ARID1B: variants seen among roughly 807,000 people sequenced by gnomAD.
ARID1B encodes AT-rich interactive domain-containing protein 1B.
A neutral mutation model predicts 212.3 loss-of-function variants in ARID1B; 30 were observed. The ratio of observed to expected loss-of-function variants is 0.14; its 90% CI spans 0.11 to 0.19. The LOEUF (loss-of-function observed/expected upper bound fraction) is 0.19. ARID1B is among the 10% of genes least tolerant of loss of function. ARID1B has a pLI of 1.00. For synonymous variants in ARID1B, 1,402 were observed against 1,301.7 expected (o/e 1.08, Z -1.66); for missense variants, 2,891 against 3,204.0 (o/e 0.90, Z 2.36).
At chr6:157,128,394 C>CA (rs567383511) in intron 6 of ARID1B, among the ~76,000 whole-genome samples, 166 of 152,128 alleles carry the variant, frequency 1.1e-3, no homozygotes, top group African/African-American at 3.8e-3. Context: ...GGTTAGCTTT[C>CA]AAAAATGCAA....
chr6:156,914,041 TCCCGA>T (rs1790142388), intron 3 of ARID1B, among the ~76,000 whole-genome samples: 1 of 85,170 alleles, frequency 1.2e-5, no homozygotes. Flanking sequence ...CACTCTCTAC[TCCCGA>T]ACTGCCAGCC....
intron 3 of ARID1B, among the ~76,000 whole-genome samples, chr6:156,930,715 A>T (rs1399373277): frequency 2.0e-5 from 3 of 150,812 alleles, no homozygotes; most frequent in Non-Finnish European, 4.5e-5. Flanking sequence ...GTGTGGCCAT[A>T]AAAAAAAAGA....
Position 156,935,759 on chromosome 6 carries a change from A to T in ARID1B, c.2247+183A>T, listed in dbSNP as rs1792151084. 5.5e-6 allele frequency: 3 copies of T among 545,154 alleles called. No homozygotes were observed. The Admixed American group carries it at 9.5e-5, about 17-fold the overall frequency. 33.8% of individuals were successfully genotyped at this position (545,154 alleles called of 1,614,324 possible). ...GAGCTCTGTAGTCCTGGATAAGTCT[A>T]TTTCATGTGTATATATCTCTGTTGC... On this transcript the variant is annotated intron_variant, in intron 4 of 19. Transcript: ENST00000636930.
intron 3 of ARID1B, among the ~76,000 whole-genome samples, chr6:156,926,040 C>T (rs1185758725): frequency 1.3e-5 from 2 of 152,186 alleles, no homozygotes; most frequent in Non-Finnish European, 2.9e-5. Context: ...TTTGTCTGAA[C>T]TCAAAGATTC....
rs758385169 is a variant in ARID1B, at chr6:157,206,777, A to G, written c.6005A>G (p.Asp2002Gly). 17 of 1,613,706 alleles carry G rather than the reference A, an allele frequency of 1.1e-5. No individual in the cohort carries two copies. The highest frequency in any genetic ancestry group is 8.5e-7 in the Non-Finnish European group (1 of 1,180,030). The part of the protein sequence containing the change: ...QEKSIIATID[D>G]VLSARPGALP... ...AAAAGCATCATAGCAACCATCGATGACGTCCTCTCTGCTCGGCCAGGGGCA... is the reference window on the plus strand; with the variant it reads ...AAAAGCATCATAGCAACCATCGATGGCGTCCTCTCTGCTCGGCCAGGGGCA... The change falls in exon 20 of 20, where the codon GAC becomes GGC. Residue 2002 changes from aspartate to glycine, a missense_variant. Asp to Gly is a moderately conservative substitution (Grantham distance 94). This residue lies in a region of ARID1B where 332 missense variants were observed against 369.2 expected (regional missense o/e 0.90). Transcript: ENST00000636930. The surrounding 1 kb of genome is among the most constrained non-coding windows in gnomAD (Gnocchi z 6.8).
At chr6:156,923,744 G>C (rs1190902196) in intron 3 of ARID1B, among the ~76,000 whole-genome samples, 1 of 145,924 alleles carries the variant, frequency 6.9e-6, no homozygotes, top group Admixed American at 6.9e-5. Flanking sequence ...TTGCCCTGTT[G>C]CCCAGGCTGG....
chr6:156,923,501 G>T (rs1453840792), intron 3 of ARID1B, among the ~76,000 whole-genome samples: 1 of 152,040 alleles, frequency 6.6e-6, no homozygotes, highest in Admixed American at 6.6e-5. Context: ...GACCTTGGCA[G>T]GTTACTCAAC....
chr6:157,196,343 A>G (rs1793726228), intron 16 of ARID1B, 28 bp downstream of exon 16: 4 of 1,578,656 alleles, frequency 2.5e-6, no homozygotes, highest in Non-Finnish European at 3.4e-6. Flanking sequence ...TGACAATATG[A>G]TGATTTACTA....
At chr6:157,018,699 G>T (rs1157944468) in intron 4 of ARID1B, among the ~76,000 whole-genome samples, 1 of 152,164 alleles carries the variant, frequency 6.6e-6, no homozygotes, top group African/African-American at 2.4e-5. Context: ...CTTAAATTTA[G>T]TAGCTAAATT....
chr6:156,966,304 G>T (rs1017414818), intron 4 of ARID1B, among the ~76,000 whole-genome samples: 3 of 151,048 alleles, frequency 2.0e-5, no homozygotes, highest in Admixed American at 1.3e-4. Flanking sequence ...TCTCGTTTTG[G>T]TAGTGTAAAT....
intron 4 of ARID1B, among the ~76,000 whole-genome samples, chr6:156,990,371 T>A (rs6899555): frequency 1.2e-4 from 18 of 151,752 alleles, no homozygotes; most frequent in Non-Finnish European, 1.8e-4. Context: ...GGCCGGGCGC[T>A]GTGGCTCACA....
intron 2 of ARID1B, among the ~76,000 whole-genome samples, chr6:156,856,696 TCTCTCACACACACACA>T (rs1269628762): frequency 9.1e-4 from 77 of 84,308 alleles, no homozygotes; most frequent in African/African-American, 2.7e-3. Context: ...TCTCTCTCTC[TCTCTCACACACACACA>T]CACACACACA....
At chr6:156,871,163 C>T (rs774897556) in intron 2 of ARID1B, among the ~76,000 whole-genome samples, 21 of 152,188 alleles carry the variant, frequency 1.4e-4, no homozygotes, top group Non-Finnish European at 2.2e-4. Context: ...TATCTTGCTA[C>T]GGTTTCTTAC....
At chr6:156,818,705 A>T (rs1319138986) in intron 1 of ARID1B, among the ~76,000 whole-genome samples, 1 of 152,164 alleles carries the variant, frequency 6.6e-6, no homozygotes, top group African/African-American at 2.4e-5. Flanking sequence ...TTTCCATTTT[A>T]CTGGAGATGG....
At chr6:157,092,205 C>T (rs1315998267) in intron 5 of ARID1B, among the ~76,000 whole-genome samples, 1 of 152,246 alleles carries the variant, frequency 6.6e-6, no homozygotes, top group African/African-American at 2.4e-5. Flanking sequence ...TTTCCATTCC[C>T]TTCCAAATGC....
At chr6:157,031,183 C>T (rs930179646) in intron 4 of ARID1B, among the ~76,000 whole-genome samples, 4 of 152,084 alleles carry the variant, frequency 2.6e-5, no homozygotes, top group African/African-American at 9.7e-5. Context: ...CTTTGCAACC[C>T]ATATGCTTCT....
intron 4 of ARID1B, among the ~76,000 whole-genome samples, chr6:157,042,659 CTTTT>C (rs35567695): frequency 5.9e-5 from 8 of 136,126 alleles, no homozygotes; most frequent in Admixed American, 1.5e-4. Flanking sequence ...CCCTCCACTC[CTTTT>C]TTTTTTTTTT....
At chr6:156,887,629 G>A (rs1237735768) in intron 2 of ARID1B, among the ~76,000 whole-genome samples, 2 of 152,022 alleles carry the variant, frequency 1.3e-5, no homozygotes, top group Non-Finnish European at 2.9e-5. Context: ...ATCATTTTGA[G>A]GAGGGCCAGA....
chr6:157,181,103 G>A lies in ARID1B; in HGVS notation c.3639G>A (p.Leu1213=), dbSNP rs781777822. ...MEERGSPVSS[L]PAVGKKPLDL... ...AGAGAGGCTCTCCTGTCTCAAGTCT[G>A]CCTGCCGTGGGCAAGAAGCCCCTGG... The change falls in exon 12 of 20, where the codon CTG becomes CTA. Residue 1213 remains leucine (L), a synonymous_variant. Transcript: ENST00000636930. 1.2e-6 allele frequency: 2 copies of A among 1,614,192 alleles called. No individual in the cohort carries two copies. The highest frequency in any genetic ancestry group is 1.7e-6 in the Non-Finnish European group (2 of 1,180,044).
Sources: gnomAD v4.1 joint callset for allele counts (sites outside exome capture counted in the v4.1 genomes callset) on GRCh38, gnomAD v4.1.1 for gene constraint, gnomAD v4.1.1 regional missense constraint, Gnocchi (gnomAD v3.1) non-coding constraint, MANE v1.5 for transcripts, NCBI Gene and HGNC (gene_info 2026-07-23, HGNC 2026-07-21) for gene names.